Variants in ICA1 observed in about 807,000 individuals in gnomAD.
ICA1 encodes the protein 69 kDa islet cell autoantigen.
A neutral mutation model predicts 71.0 loss-of-function variants in ICA1; 40 were observed. The ratio of observed to expected loss-of-function variants is 0.56; its 90% CI spans 0.44 to 0.73. ICA1 has a LOEUF of 0.73. Ranked by LOEUF, ICA1 falls within the 30% of genes least tolerant of loss-of-function variation. The pLI, the probability that ICA1 is intolerant of heterozygous loss-of-function variation, is 0.00. For missense variants in ICA1, 578 were observed against 576.5 expected (o/e 1.00, Z -0.03); for synonymous variants, 207 against 209.5 (o/e 0.99, Z 0.10).
chr7:8,192,250 T>C (rs1785917068), intron 6 of ICA1, among the ~76,000 whole-genome samples: 1 of 152,210 alleles, frequency 6.6e-6, no homozygotes, highest in Non-Finnish European at 1.5e-5. Flanking sequence ...CTGCATTCAG[T>C]TGTCATGTTT....
intron 12 of ICA1, among the ~76,000 whole-genome samples, chr7:8,136,719 C>G (rs1014983861): frequency 2.6e-5 from 4 of 152,188 alleles, no homozygotes; most frequent in Non-Finnish European, 5.9e-5. Context: ...CTGAGAACAA[C>G]TACACATTTT....
chr7:8,247,854 A>G (rs1451920411), intron 1 of ICA1, among the ~76,000 whole-genome samples: 1 of 152,234 alleles, frequency 6.6e-6, no homozygotes, highest in African/African-American at 2.4e-5. Context: ...TCTTGAGCCA[A>G]TCCTTGTTCA....
At chr7:8,202,375 C>T (rs1790020192) in intron 6 of ICA1, among the ~76,000 whole-genome samples, 1 of 152,192 alleles carries the variant, frequency 6.6e-6, no homozygotes, top group Non-Finnish European at 1.5e-5. Context: ...ATAGTGTCTT[C>T]CTCTTGGGGA....
intron 6 of ICA1, among the ~76,000 whole-genome samples, chr7:8,169,733 C>T (rs2128228402): frequency 6.6e-6 from 1 of 152,072 alleles, no homozygotes; most frequent in African/African-American, 2.4e-5. Flanking sequence ...TTTATATGTT[C>T]TAAATACAAA....
chr7:8,168,448 G>A (rs539804706), intron 6 of ICA1, among the ~76,000 whole-genome samples: 2 of 152,214 alleles, frequency 1.3e-5, no homozygotes, highest in South Asian at 2.1e-4. Flanking sequence ...AGACTCAGGT[G>A]TATTTGGTTG....
Position 8,162,984 on chromosome 7 carries a change from G to A in ICA1, c.580-4332C>T, listed in dbSNP as rs562128600. ...TCACCATGTTGGCCAGGCTGGTCTT[G>A]AACTTGTGACCTCAGAAAATCCGCC... is the stretch of plus-strand genomic sequence containing the variant. On this transcript the variant is annotated intron_variant, in intron 6 of 13. Transcript: ENST00000402384. 9.2e-5 allele frequency among the ~76,000 whole-genome samples: 14 copies of A among 152,300 alleles called. No individual in the cohort carries two copies. The South Asian group carries it at 2.9e-3, about 32-fold the overall frequency.
At chr7:8,199,108 G>A (rs751659686) in intron 6 of ICA1, among the ~76,000 whole-genome samples, 3 of 152,210 alleles carry the variant, frequency 2.0e-5, no homozygotes, top group Non-Finnish European at 2.9e-5. Context: ...TTCTGGCAAG[G>A]ATGTGGAGAA....
intron 1 of ICA1, among the ~76,000 whole-genome samples, chr7:8,240,268 G>A (rs1180101383): frequency 7.7e-6 from 1 of 129,736 alleles, no homozygotes; most frequent in Non-Finnish European, 1.7e-5. Context: ...CGATACCCAG[G>A]CAAACAGAGT....
Position 8,139,107 on chromosome 7 carries a change from G to T in ICA1, c.956-60C>A, listed in dbSNP as rs570432198. ...CTCGAAATGGTGTGCATGTTCATAC[G>T]CTATTGCAGTGTAAGGTAAATGCAC... On this transcript the variant is annotated intron_variant, in intron 10 of 13. Coordinates refer to ENST00000402384, the MANE Select transcript of ICA1 (RefSeq NM_001136020.3). 5.3e-6 allele frequency: 7 copies of T among 1,310,700 alleles called. No homozygotes were observed. The South Asian group carries it at 6.0e-5, about 11-fold the overall frequency. 81.2% of individuals were successfully genotyped at this position (1,310,700 alleles called of 1,614,324 possible).
intron 1 of ICA1, among the ~76,000 whole-genome samples, chr7:8,260,065 G>T (rs140221692): frequency 4.6e-5 from 7 of 152,074 alleles, no homozygotes; most frequent in African/African-American, 1.7e-4. Flanking sequence ...CTCAACCAAC[G>T]AAGAGGAAAA....
chr7:8,219,183 AG>A, intron 5 of ICA1, among the ~76,000 whole-genome samples: 1 of 152,356 alleles, frequency 6.6e-6, no homozygotes, highest in East Asian at 1.9e-4. Flanking sequence ...CCCTTTACCC[AG>A]CCAAAAAACA....
intron 6 of ICA1, among the ~76,000 whole-genome samples, chr7:8,218,029 G>A (rs928361127): frequency 6.6e-6 from 1 of 152,180 alleles, no homozygotes; most frequent in African/African-American, 2.4e-5. Context: ...GCATTTAAAT[G>A]TGACAATCTT....
chr7:8,158,293 G>A (rs917884935), intron 7 of ICA1: 1 of 493,148 alleles, frequency 2.0e-6, no homozygotes, highest in Admixed American at 3.7e-5. Context: ...CAGGTAGAAG[G>A]GACCCCATAA....
chr7:8,231,327 C>T (rs143098665), intron 3 of ICA1, among the ~76,000 whole-genome samples: 201 of 151,952 alleles, frequency 1.3e-3, no homozygotes, highest in African/African-American at 4.6e-3. Flanking sequence ...GGAGGCAGGG[C>T]CAGTGGGTCA....
intron 6 of ICA1, among the ~76,000 whole-genome samples, chr7:8,212,905 T>C (rs1308499429): frequency 6.6e-6 from 1 of 152,244 alleles, no homozygotes; most frequent in Non-Finnish European, 1.5e-5. Context: ...GATGAGGCTT[T>C]CATCCAAAGC....
intron 1 of ICA1, among the ~76,000 whole-genome samples, chr7:8,237,054 T>C (rs1475062930): frequency 1.3e-5 from 2 of 152,182 alleles, no homozygotes; most frequent in African/African-American, 4.8e-5. Flanking sequence ...GATGTGCAAA[T>C]CCCACGCTTC....
chr7:8,247,984 A>C (rs1281447891), intron 1 of ICA1, among the ~76,000 whole-genome samples: 1 of 152,194 alleles, frequency 6.6e-6, no homozygotes, highest in Non-Finnish European at 1.5e-5. Context: ...CAACTTGGTA[A>C]AACTCAAATG....
rs747215526 is a variant in ICA1 at position 8,218,377 on chromosome 7, T to C, written c.507A>G (p.Ala169=). The stretch of plus-strand genomic sequence containing the variant: ...GAGACACGTCCTTCATCCATAATAG[T>C]GCTCCTCTATATTCCGTCCTGCACT... ...MEQCRTEYRG[A]LLWMKDVSQE... The change falls in exon 6 of 14, where the codon GCA becomes GCG. Residue 169 remains alanine (A), a synonymous_variant. Transcript: ENST00000402384. The C allele has an allele frequency of 3.0e-5, 48 of 1,614,138 alleles. No homozygotes were observed. The East Asian group carries it at 8.9e-4, about 30-fold the overall frequency.
intron 5 of ICA1, among the ~76,000 whole-genome samples, chr7:8,219,935 A>G (rs942882114): frequency 1.6e-4 from 25 of 152,216 alleles, no homozygotes; most frequent in Non-Finnish European, 3.2e-4. Context: ...ACTCTATGAA[A>G]TATTTTTTTA....
Sources: gnomAD v4.1 joint callset for allele counts (sites outside exome capture counted in the v4.1 genomes callset) on GRCh38, gnomAD v4.1.1 for gene constraint, MANE v1.5 for transcripts, NCBI Gene and HGNC (gene_info 2026-07-23, HGNC 2026-07-21) for gene names.